The following RAC2 variants were observed in gnomAD, a reference collection of about 807,000 sequenced individuals.
RAC2 encodes ras-related C3 botulinum toxin substrate 2.
In RAC2, 1 loss-of-function variant was observed where a neutral mutation model predicts 24.0. The ratio of observed to expected loss-of-function variants is 0.04; its 90% CI spans 0.01 to 0.20. The LOEUF (loss-of-function observed/expected upper bound fraction) is 0.20. RAC2 is among the 10% of genes least tolerant of loss of function. RAC2 has a pLI of 1.00. For synonymous variants in RAC2, 114 were observed against 106.8 expected (o/e 1.07, Z -0.41); for missense variants, 130 against 259.1 (o/e 0.50, Z 3.42).
At chr22:37,242,404 G>A (rs1927427148) in intron 1 of RAC2, among the ~76,000 whole-genome samples, 1 of 152,170 alleles carries the variant, frequency 6.6e-6, no homozygotes, top group Non-Finnish European at 1.5e-5. Context: ...AATAGAGAAG[G>A]CTAGATTAAC....
Position 37,231,069 on chromosome 22 carries a change from G to A in RAC2, c.448+162C>T, listed in dbSNP as rs563695973. ...TTTCTGATAAGGAAACACAGGCAGA[G>A]AGAGGCTACGTGACTCGCCCAAGGT... On this transcript the variant is annotated intron_variant, in intron 5 of 6. Coordinates refer to ENST00000249071, the MANE Select transcript of RAC2 (RefSeq NM_002872.5). The surrounding 1 kb of genome is among the most constrained non-coding windows in gnomAD (Gnocchi z 5.5). Among the ~76,000 whole-genome samples, 31 of 152,306 alleles carry A rather than the reference G, an allele frequency of 2.0e-4. 1 individual carries two copies. The highest frequency in any genetic ancestry group is 1.2e-3 in the South Asian group (6 of 4,828).
At chr22:37,226,848 G>GT (rs199606700) in intron 5 of RAC2, 45 bp from the exon 6 acceptor site, 1 of 1,565,314 alleles carries the variant, frequency 6.4e-7, no homozygotes, top group East Asian at 2.4e-5. Flanking sequence ...AAGTGGCGGG[G>GT]GGGGTTCTGG....
intron 2 of RAC2, 57 bp from the exon 3 acceptor site, chr22:37,232,975 A>G: frequency 2.3e-6 from 3 of 1,315,260 alleles, no homozygotes; most frequent in Non-Finnish European, 3.3e-6. Context: ...GAACCTGGGA[A>G]TTGTGGTCCA....
rs761403484 is a variant in RAC2 at position 37,232,943 on chromosome 22, G to A, written c.108-25C>T. The A allele has an allele frequency of 2.6e-6, 4 of 1,565,786 alleles. No homozygotes were observed. In the South Asian group the frequency reaches 3.3e-5, roughly 13 times the overall value. On this transcript the variant is annotated intron_variant, in intron 2 of 6. Coordinates refer to ENST00000249071, the MANE Select transcript of RAC2 (RefSeq NM_002872.5). ...CCTGTGGGGAGCAGGCAAGGCGGAGGTAAGGTCAATCTCAAACCCCAGAAC... is the reference window on the plus strand; with the variant it reads ...CCTGTGGGGAGCAGGCAAGGCGGAGATAAGGTCAATCTCAAACCCCAGAAC...
intron 2 of RAC2, 83 bp downstream of exon 2, chr22:37,241,504 C>T: frequency 1.4e-6 from 2 of 1,419,546 alleles, no homozygotes; most frequent in Non-Finnish European, 2.0e-6. Context: ...GGGTCTGGCC[C>T]ACAGGAAGTG....
chr22:37,243,150 G>GC lies in RAC2; in HGVS notation c.35+963dup, dbSNP rs557753055. Among the ~76,000 whole-genome samples, 207 of 152,276 alleles carry GC rather than the reference G, an allele frequency of 1.4e-3. 1 individual carries two copies. Among genetic ancestry groups the GC allele is most frequent in the African/African-American group, 4.7e-3 (195 of 41,548 alleles). On this transcript the variant is annotated intron_variant, in intron 1 of 6. Transcript: ENST00000249071. The stretch of plus-strand genomic sequence containing the variant: ...AGTAGCTGGGACTGCAGGCGCATAT[G>GC]CCACCACTCCTGGCTTAAAAAAATT...
chr22:37,234,342 C>T (rs1159791330), intron 2 of RAC2, among the ~76,000 whole-genome samples: 1 of 152,210 alleles, frequency 6.6e-6, no homozygotes, highest in Non-Finnish European at 1.5e-5. Context: ...TGCTGGCTAC[C>T]CACGCTGTGG....
intron 2 of RAC2, 99 bp downstream of exon 2, chr22:37,241,488 C>T: frequency 7.8e-7 from 1 of 1,280,994 alleles, no homozygotes; most frequent in Non-Finnish European, 1.1e-6. Flanking sequence ...TGTGGGTGCC[C>T]ACACAGGGTC....
rs535815109 is a variant in RAC2 at position 37,244,055 on chromosome 22, C to A, written c.35+59G>T. On this transcript the variant is annotated intron_variant, in intron 1 of 6. Transcript: ENST00000249071. ...AGGGGCTTCCCCAGGGGCACCAGGG[C>A]GGAAGGATCTCAGGGCATCCCAGTT... 3.7e-6 allele frequency: 6 copies of A among 1,608,416 alleles called. No homozygotes were observed. The East Asian group carries it at 1.3e-4, about 36-fold the overall frequency.
chr22:37,229,157 G>A (rs991045228), intron 5 of RAC2, among the ~76,000 whole-genome samples: 1 of 152,204 alleles, frequency 6.6e-6, no homozygotes, highest in Non-Finnish European at 1.5e-5. Context: ...ACTTTGGCTC[G>A]GCCTCTCACT....
rs1478248320 is a variant in RAC2, at chr22:37,225,306, G to C, written c.*736C>G. 3 of 152,218 alleles carry C rather than the reference G, an allele frequency of 2.0e-5. No individual in the cohort carries two copies. Among genetic ancestry groups the C allele is most frequent in the Non-Finnish European group, 4.4e-5 (3 of 68,036 alleles). 9.4% of individuals were successfully genotyped at this position (152,218 alleles called of 1,614,324 possible). On this transcript the variant is annotated 3_prime_UTR_variant, in exon 7 of 7. Coordinates refer to ENST00000249071, the MANE Select transcript of RAC2 (RefSeq NM_002872.5). ...AATTTATTTTCTGCTTAAGCAGGTT[G>C]AGTTGGGTTTTCTATTTGCAATAGC... is the stretch of plus-strand genomic sequence containing the variant.
chr22:37,229,394 T>C (rs1601670474), intron 5 of RAC2, among the ~76,000 whole-genome samples: 1 of 152,158 alleles, frequency 6.6e-6, no homozygotes, highest in African/African-American at 2.4e-5. Flanking sequence ...CCTGGCTGGG[T>C]GGCCTTAAGC....
At chr22:37,242,579 G>C (rs551778458) in intron 1 of RAC2, among the ~76,000 whole-genome samples, 3 of 152,272 alleles carry the variant, frequency 2.0e-5, no homozygotes, top group African/African-American at 4.8e-5. Context: ...GCTCAGAGAA[G>C]ACAGCTCATC....
At chr22:37,241,196 A>T (rs1305444115) in intron 2 of RAC2, 1 of 776,358 alleles carries the variant, frequency 1.3e-6, no homozygotes, top group African/African-American at 1.7e-5. Flanking sequence ...ACCCCTCAGC[A>T]TGCCTTGTCC....
intron 5 of RAC2, 102 bp from the exon 6 acceptor site, chr22:37,226,905 C>T (rs1349091037): frequency 1.1e-5 from 16 of 1,446,236 alleles, no homozygotes; most frequent in Admixed American, 8.8e-5. Context: ...GCCATACACC[C>T]CTCCCACGCC....
In RAC2 at chr22:37,244,043, G is replaced by A. The variant is rs184253578; in HGVS notation, c.35+71C>T. 1,848 of 1,599,178 alleles carry A rather than the reference G, an allele frequency of 1.2e-3. 4 individuals are homozygous for A. Among genetic ancestry groups the A allele is most frequent in the Middle Eastern group, 8.6e-3 (52 of 6,040 alleles). On this transcript the variant is annotated intron_variant, in intron 1 of 6. Transcript: ENST00000249071. ...TTCTGCAGGGCCAGGGGCTTCCCCAGGGGCACCAGGGCGGAAGGATCTCAG... is the reference window on the plus strand; with the variant it reads ...TTCTGCAGGGCCAGGGGCTTCCCCAAGGGCACCAGGGCGGAAGGATCTCAG...
intron 2 of RAC2, among the ~76,000 whole-genome samples, 163 bp downstream of exon 2, chr22:37,241,424 C>T (rs1469298570): frequency 2.6e-5 from 4 of 152,216 alleles, no homozygotes; most frequent in East Asian, 3.9e-4. Flanking sequence ...CACCTCTCAG[C>T]GCCAGTGCTG....
chr22:37,234,160 C>T (rs1393077363), intron 2 of RAC2, among the ~76,000 whole-genome samples: 3 of 152,236 alleles, frequency 2.0e-5, no homozygotes, highest in Admixed American at 6.5e-5. Context: ...GGAGTACATG[C>T]CTGATCCTGC....
At chr22:37,233,424 A>C (rs1486396030) in intron 2 of RAC2, among the ~76,000 whole-genome samples, 3 of 152,206 alleles carry the variant, frequency 2.0e-5, no homozygotes, top group Non-Finnish European at 4.4e-5. Flanking sequence ...CTGGGATTAC[A>C]GGCATGCACC....
Sources: gnomAD v4.1 joint callset for allele counts (sites outside exome capture counted in the v4.1 genomes callset) on GRCh38, gnomAD v4.1.1 for gene constraint, Gnocchi (gnomAD v3.1) non-coding constraint, MANE v1.5 for transcripts, NCBI Gene and HGNC (gene_info 2026-07-23, HGNC 2026-07-21) for gene names.